The following BCAR1 variants were observed in gnomAD, a reference collection of about 807,000 sequenced individuals.
BCAR1 encodes breast cancer anti-estrogen resistance protein 1.
BCAR1 carries 30 observed loss-of-function variants against 67.6 expected under a neutral mutation model. That is an observed-to-expected ratio of 0.44 (90% confidence interval 0.33 to 0.60). BCAR1 has a LOEUF of 0.60. BCAR1 is among the 20% of genes least tolerant of loss of function. The pLI is 0.02. For synonymous variants in BCAR1, 626 were observed against 556.7 expected, an observed-to-expected ratio of 1.12 and a Z score of -1.75; for missense variants, 1,313 against 1,222.3, an observed-to-expected ratio of 1.07 and a Z score of -1.11.
At chr16:75,254,317 A>G (rs2077735233), upstream of BCAR1, among the ~76,000 whole-genome samples, 1 of 152,188 alleles carries the variant, frequency 6.6e-6, no homozygotes, top group Non-Finnish European at 1.5e-5. Context: ...GCAAAAGGAC[A>G]GGCAACTGAG....
At chr16:75,245,961 GTTCTTT>G (rs1354238926) in intron 1 of BCAR1, 10 of 27,018 alleles carry the variant, frequency 3.7e-4, no homozygotes, top group African/African-American at 9.7e-4. Context: ...TCATAGGATT[GTTCTTT>G]TTTTTTTTTT....
chr16:75,236,729 C>A, intron 4 of BCAR1, 153 bp downstream of exon 4: 1 of 1,324,786 alleles, frequency 7.5e-7, no homozygotes, highest in East Asian at 2.8e-5. Context: ...GCTTGATTTC[C>A]TCATCTGTCA....
rs11545087 is a variant in BCAR1 at position 75,235,105 on chromosome 16, G to A, written c.1794C>T (p.His598=). Residue 598 remains histidine (H), a synonymous_variant, in exon 5 of 7, where the codon CAC becomes CAT. Coordinates refer to ENST00000162330, the MANE Select transcript of BCAR1 (RefSeq NM_014567.5). The part of the protein sequence containing the change: ...EDAKQLASFL[H]GNASLLFRRT... ...GTCTGAAGAGCAGTGAGGCATTGCC[G>A]TGCAGGAAGGAGGCCAGCTGCTTGG... 0.03 allele frequency: 48,063 copies of A among 1,611,794 alleles called. 1,121 individuals carry two copies. Among genetic ancestry groups the A allele is most frequent in the Middle Eastern group, 0.11 (655 of 6,062 alleles).
chr16:75,253,674 A>G (rs1169117914), upstream of BCAR1, among the ~76,000 whole-genome samples: 2 of 152,220 alleles, frequency 1.3e-5, no homozygotes, highest in African/African-American at 2.4e-5. Context: ...TGCCTCCCAG[A>G]ATGGCATTTC....
Position 75,237,339 on chromosome 16 carries a change from C to A in BCAR1, c.639G>T (p.Val213=). The A allele has an allele frequency of 1.6e-5, 24 of 1,463,202 alleles. No homozygotes were observed. Among genetic ancestry groups the A allele is most frequent in the Non-Finnish European group, 2.2e-5 (24 of 1,109,112 alleles). The allele number at this position is 1,463,202 out of a possible 1,614,324, so 90.6% of individuals were successfully genotyped here. Residue 213 remains valine (V), a synonymous_variant, in exon 3 of 7, where the codon GTG becomes GTT. Transcript: ENST00000162330. ...WEGTKPPAKV[V]VPTRVGQGYV... The stretch of plus-strand genomic sequence containing the variant: ...AGCCCTGCCCCACGCGGGTGGGCAC[C>A]ACCACCTGGGGGCAGAGAGCCGACT...
At chr16:75,239,928 T>C (rs928600714) in intron 2 of BCAR1, among the ~76,000 whole-genome samples, 2 of 152,180 alleles carry the variant, frequency 1.3e-5, no homozygotes, top group Non-Finnish European at 2.9e-5. Flanking sequence ...CCTTAGACAC[T>C]GACCAGGGGC....
At chr16:75,267,399 G>GT (rs999917096) in intron 1 of BCAR1, among the ~76,000 whole-genome samples, 1 of 148,044 alleles carries the variant, frequency 6.8e-6, no homozygotes, top group Non-Finnish European at 1.5e-5. Flanking sequence ...CAAGCCGGGG[G>GT]GGGGGTGGGG....
chr16:75,235,715 A>T lies in BCAR1; in HGVS notation c.1184T>A (p.Leu395His). ...TLYDVPRERV[L>H]PPEVADGGVV... ...GCCACCATCAGCCACCTCAGGAGGA[A>T]GCACCCGTTCACGGGGCACATCGTA... Residue 395 changes from leucine to histidine, a missense_variant, in exon 5 of 7, where the codon CTT (leucine) becomes CAT (histidine). Leu to His is a moderately conservative substitution (Grantham distance 99, BLOSUM62 -3). This residue lies in a region of BCAR1 where 1,272 missense variants were observed against 1,137.5 expected (regional missense o/e 1.12). Transcript: ENST00000162330. 6.2e-7 allele frequency: 1 copy of T among 1,609,564 alleles called. No homozygotes were observed. The highest frequency in any genetic ancestry group is 8.5e-7 in the Non-Finnish European group (1 of 1,177,886).
At chr16:75,264,511 C>T (rs991778207) in intron 1 of BCAR1, 2 of 1,422,120 alleles carry the variant, frequency 1.4e-6, no homozygotes, top group African/African-American at 1.4e-5. Flanking sequence ...GTTCTGTCTT[C>T]CTTCTTTCTG....
upstream of BCAR1, chr16:75,251,924 C>G (rs1035830062): frequency 1.6e-5 from 8 of 515,284 alleles, no homozygotes; most frequent in Non-Finnish European, 2.4e-5. Context: ...AAGGCCTACG[C>G]AAACTCCTCC....
chr16:75,245,391 C>T (rs1357441809), intron 1 of BCAR1, among the ~76,000 whole-genome samples: 2 of 152,190 alleles, frequency 1.3e-5, no homozygotes, highest in African/African-American at 2.4e-5. Context: ...GACCGCCCCG[C>T]GAAGGCCCCT....
chr16:75,241,526 C>T (rs778538538), intron 2 of BCAR1, among the ~76,000 whole-genome samples: 7 of 152,182 alleles, frequency 4.6e-5, no homozygotes, highest in Admixed American at 1.3e-4. Flanking sequence ...AGGCACCCCA[C>T]GCCAGCCAGG....
chr16:75,259,811 C>G (rs1181090952), intron 1 of BCAR1, among the ~76,000 whole-genome samples: 2 of 138,716 alleles, frequency 1.4e-5, no homozygotes, highest in Non-Finnish European at 3.0e-5. Context: ...AAGATCATGC[C>G]ACTGCACTAC....
At chr16:75,236,119 C>G (rs1488270973) in intron 4 of BCAR1, 133 bp from the exon 5 acceptor site, 1 of 1,152,610 alleles carries the variant, frequency 8.7e-7, no homozygotes, top group Non-Finnish European at 1.2e-6. Flanking sequence ...CGCGCACACA[C>G]ACAGGCACAC....
chr16:75,254,968 C>A (rs764242611), upstream of BCAR1, among the ~76,000 whole-genome samples: 3 of 152,226 alleles, frequency 2.0e-5, no homozygotes, highest in Non-Finnish European at 4.4e-5. Flanking sequence ...GACAGACCCA[C>A]TGCACAGAAC....
At chr16:75,250,969 C>A in intron 1 of BCAR1, 8 of 985,766 alleles carry the variant, frequency 8.1e-6, no homozygotes, top group Non-Finnish European at 9.6e-6. Flanking sequence ...GGTGCTCCGG[C>A]TGCGCAGCCT....
At chr16:75,265,823 A>G in intron 1 of BCAR1, 1 of 1,190,388 alleles carries the variant, frequency 8.4e-7, no homozygotes, top group Non-Finnish European at 1.0e-6. Flanking sequence ...CGCGGTACTC[A>G]CAGGCACGGA....
chr16:75,235,822 C>G lies in BCAR1; in HGVS notation c.1077G>C (p.Glu359Asp). 3.8e-6 allele frequency: 6 copies of G among 1,580,956 alleles called. No individual in the cohort carries two copies. Among genetic ancestry groups the G allele is most frequent in the Non-Finnish European group, 4.3e-6 (5 of 1,164,714 alleles). The change falls in exon 5 of 7, where the codon GAG becomes GAC. Residue 359 changes from glutamate to aspartate, a missense_variant. Coordinates refer to ENST00000162330, the MANE Select transcript of BCAR1 (RefSeq NM_014567.5). ...CCGGGGGCGGCACGTCATACACGTC[C>G]TCGGCCGGCGGGGAGTCTGGAGGGG... is the stretch of plus-strand genomic sequence containing the variant. ...AAPPPDSPPA[E>D]DVYDVPPPAP...
chr16:75,265,740 C>T, intron 1 of BCAR1: 1 of 1,189,364 alleles, frequency 8.4e-7, no homozygotes, highest in African/African-American at 1.6e-5. Context: ...GGAGCCAACG[C>T]GGCATCAGGC....
Sources: gnomAD v4.1 joint callset for allele counts (sites outside exome capture counted in the v4.1 genomes callset) on GRCh38, gnomAD v4.1.1 for gene constraint, gnomAD v4.1.1 regional missense constraint, MANE v1.5 for transcripts, NCBI Gene and HGNC (gene_info 2026-07-23, HGNC 2026-07-21) for gene names.